The following SYNE1 variants were observed in gnomAD, a reference collection of about 807,000 sequenced individuals.
SYNE1 encodes nesprin-1.
Under a neutral mutation model 1,111.0 loss-of-function variants are expected in SYNE1, and 616 were observed. The ratio of observed to expected loss-of-function variants is 0.55; its 90% CI spans 0.52 to 0.59. The LOEUF is 0.59. Among genes scored for constraint, SYNE1 ranks in the 20% least tolerant of loss-of-function variants. The pLI is 0.00. For synonymous variants in SYNE1, 3,855 were observed against 3,825.8 expected (o/e 1.01, Z -0.28); for missense variants, 10,006 against 10,417.0 (o/e 0.96, Z 1.72).
At chr6:152,264,853 T>C (rs1292211746) in intron 100 of SYNE1, among the ~76,000 whole-genome samples, 1 of 151,882 alleles carries the variant, frequency 6.6e-6, no homozygotes, top group Non-Finnish European at 1.5e-5. Context: ...TCCTAGGATA[T>C]AATGCAGAGA....
chr6:152,617,659 T>C (rs1170187536), intron 3 of SYNE1, among the ~76,000 whole-genome samples: 1 of 152,356 alleles, frequency 6.6e-6, no homozygotes, highest in South Asian at 2.1e-4. Flanking sequence ...CTTTCAAGGT[T>C]CTAATACACT....
chr6:152,462,724 CA>C lies in SYNE1; in HGVS notation c.2250+13del. On this transcript the variant is annotated intron_variant, in intron 20 of 145. Transcript: ENST00000367255. ...ACAGAGTAGGCTTTTCATTTTGATT[CA>C]GAAACCCCTCACCTCCAAGTCTTGA... 1.2e-6 allele frequency: 2 copies of C among 1,613,910 alleles called. No homozygotes were observed. The highest frequency in any genetic ancestry group is 1.7e-6 in the Non-Finnish European group (2 of 1,179,888).
chr6:152,496,683 A>G (rs1478006803), intron 11 of SYNE1, among the ~76,000 whole-genome samples: 1 of 151,488 alleles, frequency 6.6e-6, no homozygotes, highest in African/African-American at 2.4e-5. Context: ...ATCCCCCACA[A>G]ATTTTCAATG....
In SYNE1 at chr6:152,318,138, A is replaced by G. The variant is rs759561717; in HGVS notation, c.16515T>C (p.Thr5505=). 2 of 1,614,090 alleles carry G rather than the reference A, an allele frequency of 1.2e-6. No homozygotes were observed. Among genetic ancestry groups the G allele is most frequent in the Non-Finnish European group, 1.7e-6 (2 of 1,180,054 alleles). ...KPLAKKIGKL[T]ELHQQTIRQA... Reference sequence around the variant, plus strand: ...GTCTAATGGTCTGCTGGTGAAGTTCAGTCAGTTTTCCTATCTTCTTGGCCA... The same window carrying G: ...GTCTAATGGTCTGCTGGTGAAGTTCGGTCAGTTTTCCTATCTTCTTGGCCA... Residue 5505 remains threonine, a synonymous_variant, in exon 86 of 146, where the codon ACT becomes ACC. Transcript: ENST00000367255.
intron 44 of SYNE1, among the ~76,000 whole-genome samples, chr6:152,408,047 G>A (rs982265862): frequency 6.6e-6 from 1 of 152,154 alleles, no homozygotes; most frequent in African/African-American, 2.4e-5. Context: ...ACAGGTGTGA[G>A]CCACCACGCC....
chr6:152,429,133 C>T (rs2098404204), intron 36 of SYNE1, among the ~76,000 whole-genome samples: 1 of 149,050 alleles, frequency 6.7e-6, no homozygotes, highest in Non-Finnish European at 1.5e-5. Flanking sequence ...CACAGTGCCT[C>T]AGAATGTGGC....
In SYNE1 at chr6:152,206,168, T is replaced by C; in HGVS notation, c.23019A>G (p.Lys7673=). The change falls in exon 126 of 146, where the codon AAA becomes AAG. Residue 7673 remains lysine (K), a splice_region_variant and synonymous_variant. Transcript: ENST00000367255. ...EQKKKLAFLL[K]DWEKCEKGIA... ...TTCGTTTTTTTCTAACTGAACTTAC[T>C]TTCAACAAGAAGGCTAGTTTTTTCT... 2.5e-6 allele frequency: 4 copies of C among 1,613,384 alleles called. No homozygotes were observed. Among genetic ancestry groups the C allele is most frequent in the Non-Finnish European group, 3.4e-6 (4 of 1,180,014 alleles).
chr6:152,444,866 A>G, intron 29 of SYNE1, among the ~76,000 whole-genome samples: 1 of 152,094 alleles, frequency 6.6e-6, no homozygotes, highest in East Asian at 1.9e-4. Flanking sequence ...CTTAGAACTT[A>G]ATGTTTGTAC....
At position 152,303,004 on chromosome 6, in the gene SYNE1, A is replaced by C. The variant is rs373893125; in HGVS notation, c.17347-941T>G. ...TTTTACTTTCTTGCTTAAATATTTT[A>C]AGTATCAAATATTAAAATTATACTT... On this transcript the variant is annotated intron_variant, in intron 91 of 145. Transcript: ENST00000367255. 7.9e-5 allele frequency among the ~76,000 whole-genome samples: 12 copies of C among 152,164 alleles called. No homozygotes were observed. In the South Asian group the frequency reaches 1.0e-3, roughly 13 times the overall value.
rs141013916 is a variant in SYNE1, at chr6:152,200,279, T to C, written c.23145+1545A>G. Among the ~76,000 whole-genome samples the C allele has an allele frequency of 6.2e-3, 948 of 152,336 alleles. 14 individuals are homozygous for C. Among genetic ancestry groups the C allele is most frequent in the African/African-American group, 0.021 (893 of 41,576 alleles). ...TTCCAGAGGCCTCAGTTTTCCCTTC[T>C]GAAAAGGGGCAATAATAAATGTTTT... On this transcript the variant is annotated intron_variant, in intron 127 of 145. Transcript: ENST00000367255.
intron 127 of SYNE1, among the ~76,000 whole-genome samples, chr6:152,200,440 T>C (rs549103191): frequency 1.3e-5 from 2 of 152,312 alleles, no homozygotes; most frequent in Admixed American, 6.5e-5. Flanking sequence ...GGTCTCACTC[T>C]GTCAGCCAGG....
Position 152,390,465 on chromosome 6 carries a change from A to T in SYNE1, c.8005-13T>A. 1 of 1,613,886 alleles carries T rather than the reference A, an allele frequency of 6.2e-7. No individual in the cohort carries two copies. The highest frequency in any genetic ancestry group is 1.1e-5 in the South Asian group (1 of 91,072). ...TCAGGAGAATATCCTGGGAAGGAAGAAAGAATACTCATCAGTAGGCATGTA... is the reference window on the plus strand; with the variant it reads ...TCAGGAGAATATCCTGGGAAGGAAGTAAGAATACTCATCAGTAGGCATGTA... On this transcript the variant is annotated splice_polypyrimidine_tract_variant and intron_variant, in intron 52 of 145. Coordinates refer to ENST00000367255, the MANE Select transcript of SYNE1 (RefSeq NM_182961.4).
intron 97 of SYNE1, among the ~76,000 whole-genome samples, chr6:152,279,568 A>G (rs1254360793): frequency 2.0e-5 from 3 of 151,994 alleles, no homozygotes; most frequent in African/African-American, 7.2e-5. Flanking sequence ...ATACAAAAAA[A>G]TAAGCCAGGC....
At chr6:152,621,422 G>A (rs1031899816) in intron 3 of SYNE1, among the ~76,000 whole-genome samples, 1 of 152,092 alleles carries the variant, frequency 6.6e-6, no homozygotes, top group African/African-American at 2.4e-5. Context: ...GTAGACCTTA[G>A]ACACTCTTAC....
chr6:152,477,667 T>TTGTC (rs112187113), intron 14 of SYNE1, among the ~76,000 whole-genome samples: 1 of 151,550 alleles, frequency 6.6e-6, no homozygotes, highest in African/African-American at 2.4e-5. Flanking sequence ...AGAAGGTAAA[T>TTGTC]TAAGGGAAGG....
chr6:152,330,543 A>G lies in SYNE1; in HGVS notation c.14142T>C (p.Asp4714=). 1 of 1,614,116 alleles carries G rather than the reference A, an allele frequency of 6.2e-7. No individual in the cohort carries two copies. The highest frequency in any genetic ancestry group is 2.2e-5 in the East Asian group (1 of 44,882). The change falls in exon 78 of 146, where the codon GAT becomes GAC. Residue 4714 remains aspartate, a synonymous_variant. Transcript: ENST00000367255. ...LAVEEALSLQ[D]GCRAILDEVA... ...CCTCGTCCAGAATGGCTCTGCAACCATCTTGCAGAGAAAGAGCCTCCTCAA... is the reference window on the plus strand; with the variant it reads ...CCTCGTCCAGAATGGCTCTGCAACCGTCTTGCAGAGAAAGAGCCTCCTCAA...
intron 105 of SYNE1, among the ~76,000 whole-genome samples, chr6:152,248,873 A>G (rs898204443): frequency 6.6e-6 from 1 of 152,164 alleles, no homozygotes; most frequent in African/African-American, 2.4e-5. Context: ...TTTCTGCCCT[A>G]TGTCATTGAG....
At chr6:152,309,695 T>C in intron 90 of SYNE1, 140 bp downstream of exon 90, 1 of 1,071,688 alleles carries the variant, frequency 9.3e-7, no homozygotes, top group Non-Finnish European at 1.4e-6. Context: ...CATTTTAATC[T>C]CCTTATTTTA....
At chr6:152,238,019 G>T (rs763912858) in intron 108 of SYNE1, among the ~76,000 whole-genome samples, 1 of 152,120 alleles carries the variant, frequency 6.6e-6, no homozygotes, top group Non-Finnish European at 1.5e-5. Context: ...GGATCTGGGA[G>T]TAAATAAAAC....
Sources: allele counts gnomAD v4.1 joint callset (sites outside exome capture counted in the v4.1 genomes callset), GRCh38; gene constraint gnomAD v4.1.1; transcripts MANE v1.5; gene names NCBI Gene and HGNC (gene_info 2026-07-23, HGNC 2026-07-21).